The following ADGRB3 variants were observed in gnomAD, a reference collection of about 807,000 sequenced individuals.
ADGRB3 encodes adhesion G protein-coupled receptor B3.
In ADGRB3, 37 loss-of-function variants were observed where a neutral mutation model predicts 193.4. The observed-to-expected ratio is 0.19, with a 90% CI of 0.15 to 0.25. ADGRB3 has a LOEUF of 0.25. ADGRB3 is among the 10% of genes least tolerant of loss of function. The probability of loss-of-function intolerance (pLI) is 1.00; values close to 1 mark genes in which losing one functional copy is unlikely to be tolerated. For synonymous variants in ADGRB3, 690 were observed against 644.2 expected (o/e 1.07, Z -1.08); for missense variants, 1,637 against 1,852.9 (o/e 0.88, Z 2.14).
At chr6:68,783,605 A>T (rs186711023) in intron 3 of ADGRB3, among the ~76,000 whole-genome samples, 145 of 151,820 alleles carry the variant, frequency 9.6e-4, no homozygotes, top group Middle Eastern at 3.4e-3. Flanking sequence ...GGTAATTCAG[A>T]TCTGTTGGAG....
At chr6:68,765,988 T>C (rs938560778) in intron 3 of ADGRB3, among the ~76,000 whole-genome samples, 1 of 152,080 alleles carries the variant, frequency 6.6e-6, no homozygotes, top group Admixed American at 6.6e-5. Context: ...ATAGCTTGTC[T>C]ATTCTAAAAT....
intron 3 of ADGRB3, among the ~76,000 whole-genome samples, chr6:68,882,856 G>A (rs983302556): frequency 1.3e-5 from 2 of 151,940 alleles, no homozygotes; most frequent in African/African-American, 4.8e-5. Context: ...TAAGCACATA[G>A]TCCCATTTAC....
chr6:68,748,903 A>G (rs868194365), intron 3 of ADGRB3, among the ~76,000 whole-genome samples: 1 of 152,154 alleles, frequency 6.6e-6, no homozygotes, highest in Admixed American at 6.5e-5. Flanking sequence ...AATTCTTAAC[A>G]TCTGTGCATC....
At chr6:69,013,096 T>C (rs3799005) in intron 11 of ADGRB3, among the ~76,000 whole-genome samples, 3,075 of 152,208 alleles carry the variant, frequency 0.02, 56 homozygotes, top group East Asian at 0.052. Context: ...ACAGCTCGCC[T>C]TCAAAGGCAC....
At chr6:69,123,586 GAT>G (rs1254201402) in intron 17 of ADGRB3, among the ~76,000 whole-genome samples, 1 of 152,092 alleles carries the variant, frequency 6.6e-6, no homozygotes, top group East Asian at 1.9e-4. Flanking sequence ...TATATAGAAA[GAT>G]AAAGCAGGAG....
intron 3 of ADGRB3, among the ~76,000 whole-genome samples, chr6:68,789,946 G>A (rs570197279): frequency 3.6e-4 from 55 of 152,164 alleles, no homozygotes; most frequent in African/African-American, 9.4e-4. Flanking sequence ...TGATCGCATC[G>A]GCTATTGAGG....
At chr6:69,018,903 G>A (rs1018245416) in intron 13 of ADGRB3, among the ~76,000 whole-genome samples, 61 of 152,072 alleles carry the variant, frequency 4.0e-4, no homozygotes, top group African/African-American at 1.4e-3. Flanking sequence ...CATTGTTCTT[G>A]AGGATGCCGA....
At chr6:68,793,322 G>A (rs1767145047) in intron 3 of ADGRB3, among the ~76,000 whole-genome samples, 1 of 151,922 alleles carries the variant, frequency 6.6e-6, no homozygotes, top group Non-Finnish European at 1.5e-5. Context: ...TTTTGTCCAT[G>A]TACTCAATGC....
At chr6:69,281,493 C>A (rs1767435399) in intron 20 of ADGRB3, among the ~76,000 whole-genome samples, 1 of 152,124 alleles carries the variant, frequency 6.6e-6, no homozygotes, top group South Asian at 2.1e-4. Context: ...AGAGATGAGC[C>A]ATATTACAGA....
intron 3 of ADGRB3, among the ~76,000 whole-genome samples, chr6:68,885,396 T>A (rs1765880001): frequency 6.6e-6 from 1 of 152,200 alleles, no homozygotes; most frequent in African/African-American, 2.4e-5. Flanking sequence ...TGGGGTACAA[T>A]GTGATGTTTT....
intron 31 of ADGRB3, 28 bp downstream of exon 31, chr6:69,382,963 G>A (rs770927274): frequency 1.4e-6 from 2 of 1,427,034 alleles, no homozygotes; most frequent in Non-Finnish European, 9.8e-7. Context: ...CAATGCCTGA[G>A]TAGAAGATGC....
intron 3 of ADGRB3, among the ~76,000 whole-genome samples, chr6:68,665,802 T>C (rs117565379): frequency 0.022 from 3,359 of 151,964 alleles, 64 homozygotes; most frequent in South Asian, 0.069. Flanking sequence ...TGATTTGGAT[T>C]ATAAGTTAAC....
chr6:69,080,607 C>T (rs1772358869), intron 17 of ADGRB3, among the ~76,000 whole-genome samples: 1 of 151,780 alleles, frequency 6.6e-6, no homozygotes, highest in East Asian at 1.9e-4. Context: ...GTGGAAACAT[C>T]TTCTACAGAC....
chr6:69,189,803 A>T (rs903050500), intron 17 of ADGRB3, among the ~76,000 whole-genome samples: 1 of 152,166 alleles, frequency 6.6e-6, no homozygotes, highest in African/African-American at 2.4e-5. Context: ...TAAGAATAGA[A>T]AGGTCCTTTG....
chr6:68,936,821 T>G lies in ADGRB3; in HGVS notation c.1030+141T>G. The G allele has an allele frequency of 4.1e-6, 4 of 974,370 alleles. No individual in the cohort carries two copies. The South Asian group carries it at 9.0e-5, about 22-fold the overall frequency. 60.4% of individuals were successfully genotyped at this position (974,370 alleles called of 1,614,324 possible). On this transcript the variant is annotated intron_variant, in intron 5 of 31. Transcript: ENST00000370598. ...AAGTGTAATTATTATTCAACTGTAATATTTTAAGATGTCTGTGATTATTTC... is the reference window on the plus strand; with the variant it reads ...AAGTGTAATTATTATTCAACTGTAAGATTTTAAGATGTCTGTGATTATTTC...
chr6:68,992,519 A>G (rs1769266253), intron 10 of ADGRB3, among the ~76,000 whole-genome samples: 1 of 152,184 alleles, frequency 6.6e-6, no homozygotes, highest in Admixed American at 6.5e-5. Context: ...CAGATTACTG[A>G]TGCCGTGTCA....
intron 28 of ADGRB3, among the ~76,000 whole-genome samples, chr6:69,356,326 A>G (rs560479057): frequency 1.3e-5 from 2 of 152,300 alleles, no homozygotes. Context: ...AGCACACTAA[A>G]TAAAGTAAGA....
chr6:68,806,909 C>G (rs1767410985), intron 3 of ADGRB3, among the ~76,000 whole-genome samples: 1 of 152,056 alleles, frequency 6.6e-6, no homozygotes, highest in Non-Finnish European at 1.5e-5. Flanking sequence ...GTTGCCTTGT[C>G]AGAAACCTCG....
chr6:68,964,358 T>C (rs1474292480), intron 8 of ADGRB3, among the ~76,000 whole-genome samples: 1 of 152,106 alleles, frequency 6.6e-6, no homozygotes, highest in Non-Finnish European at 1.5e-5. Flanking sequence ...CAAATAGTGG[T>C]TCCTAAAGCC....
Sources: gnomAD v4.1 joint callset for allele counts (sites outside exome capture counted in the v4.1 genomes callset) on GRCh38, gnomAD v4.1.1 for gene constraint, MANE v1.5 for transcripts, NCBI Gene and HGNC (gene_info 2026-07-23, HGNC 2026-07-21) for gene names.